DYNC2LI1: variants seen among roughly 807,000 people sequenced by gnomAD.
DYNC2LI1 encodes the protein dynein cytoplasmic 2 light intermediate chain 1, also known as cytoplasmic dynein 2 light intermediate chain 1.
A neutral mutation model predicts 51.9 loss-of-function variants in DYNC2LI1; 45 were observed. The observed-to-expected ratio is 0.87, with a 90% CI of 0.68 to 1.11. The LOEUF (loss-of-function observed/expected upper bound fraction) is 1.11. Among genes scored for constraint, DYNC2LI1 ranks in the 50% most tolerant of loss-of-function variants. The pLI, the probability that DYNC2LI1 is intolerant of heterozygous loss-of-function variation, is 0.00. For missense variants in DYNC2LI1, 490 were observed against 417.4 expected (o/e 1.17, Z -1.51); for synonymous variants, 130 against 137.8 (o/e 0.94, Z 0.40).
At chr2:43,784,465 G>A (rs1673427811) in intron 3 of DYNC2LI1, among the ~76,000 whole-genome samples, 2 of 151,386 alleles carry the variant, frequency 1.3e-5, no homozygotes, top group African/African-American at 4.9e-5. Flanking sequence ...TTGAGATGGA[G>A]TTTCGCTCTT....
chr2:43,827,339 AAAAGTG>A, the DYNC2LI1 span, among the ~76,000 whole-genome samples: 1 of 151,948 alleles, frequency 6.6e-6, no homozygotes, highest in Non-Finnish European at 1.5e-5. Context: ...AAAAAAAAAA[AAAAGTG>A]ACAAGAGCTG....
chr2:43,779,107 C>T lies in DYNC2LI1; in HGVS notation c.126+2208C>T, dbSNP rs147860569. Among the ~76,000 whole-genome samples the T allele has an allele frequency of 2.7e-3, 406 of 152,008 alleles. 1 individual carries two copies. The highest frequency in any genetic ancestry group is 9.4e-3 in the African/African-American group (389 of 41,486). On this transcript the variant is annotated intron_variant, in intron 2 of 12. Transcript: ENST00000260605. ...CCAGTCTCCCCCCAAAAAAATAAAA[C>T]AATTAGCCGGGTGTGGTGGCACTCA...
chr2:43,804,751 T>G lies in DYNC2LI1; in HGVS notation c.900+12T>G. On this transcript the variant is annotated intron_variant, in intron 11 of 12. Transcript: ENST00000260605. ...TCTTTCCACCAAAGGTACATATTTC[T>G]AATTTTTTTAAAAGCAAGACTTTTA... 1 of 1,566,410 alleles carries G rather than the reference T, an allele frequency of 6.4e-7. No homozygotes were observed. Among genetic ancestry groups the G allele is most frequent in the Non-Finnish European group, 8.7e-7 (1 of 1,151,762 alleles).
chr2:43,774,399 A>T (rs893925974), intron 1 of DYNC2LI1, among the ~76,000 whole-genome samples: 7 of 152,214 alleles, frequency 4.6e-5, no homozygotes, highest in African/African-American at 1.4e-4. Context: ...TGATTGAATA[A>T]AAGTTTCTTG....
intron 2 of DYNC2LI1, among the ~76,000 whole-genome samples, chr2:43,779,498 G>C (rs1673176776): frequency 6.6e-6 from 1 of 152,184 alleles, no homozygotes; most frequent in Non-Finnish European, 1.5e-5. Context: ...TGTGGAAACA[G>C]GAATGAAAGG....
downstream of DYNC2LI1, chr2:43,810,078 AAAGT>A: frequency 1.6e-6 from 1 of 609,826 alleles, no homozygotes; most frequent in African/African-American, 2.0e-5. Flanking sequence ...TAGGAATATA[AAAGT>A]AAGAGTATTT....
chr2:43,800,445 T>C (rs1329890804), intron 8 of DYNC2LI1, among the ~76,000 whole-genome samples: 2 of 152,222 alleles, frequency 1.3e-5, no homozygotes, highest in Non-Finnish European at 2.9e-5. Flanking sequence ...ATACCTCTTA[T>C]TTTCTAACCA....
downstream of DYNC2LI1, chr2:43,812,986 G>A (rs1666560625): frequency 2.9e-6 from 2 of 692,746 alleles, no homozygotes; most frequent in East Asian, 2.7e-5. Flanking sequence ...AGGCACAAAT[G>A]GAGTCTTAAT....
At chr2:43,813,345 T>G (rs778016002), downstream of DYNC2LI1, 3 of 1,451,624 alleles carry the variant, frequency 2.1e-6, no homozygotes, top group Non-Finnish European at 2.9e-6. Context: ...CAGGTGTGGT[T>G]TATCTCAGGT....
intron 12 of DYNC2LI1, among the ~76,000 whole-genome samples, chr2:43,807,938 T>C (rs1406541787): frequency 6.6e-6 from 1 of 152,118 alleles, no homozygotes; most frequent in Non-Finnish European, 1.5e-5. Context: ...ATATTGGTTA[T>C]TCCTTTTTCT....
chr2:43,774,176 A>G (rs761267352), intron 1 of DYNC2LI1, 30 bp downstream of exon 1: 3 of 1,612,890 alleles, frequency 1.9e-6, no homozygotes, highest in East Asian at 2.2e-5. Flanking sequence ...TGCGTGGGAA[A>G]GGCTACTGAG....
chr2:43,815,270 T>C, the DYNC2LI1 span, among the ~76,000 whole-genome samples: 1 of 152,344 alleles, frequency 6.6e-6, no homozygotes, highest in African/African-American at 2.4e-5. Context: ...TAGTCCACTG[T>C]ATATTTTCTG....
chr2:43,802,164 T>C (rs1666097225), intron 10 of DYNC2LI1, among the ~76,000 whole-genome samples: 2 of 152,182 alleles, frequency 1.3e-5, no homozygotes, highest in Admixed American at 1.3e-4. Context: ...GATTTTTTGT[T>C]ATGAAATAGC....
the DYNC2LI1 span, among the ~76,000 whole-genome samples, chr2:43,817,428 T>C: frequency 6.6e-6 from 1 of 151,994 alleles, no homozygotes; most frequent in Non-Finnish European, 1.5e-5. Context: ...GAGGTTGCAG[T>C]GAGCCGAGAT....
intron 2 of DYNC2LI1, among the ~76,000 whole-genome samples, chr2:43,782,526 C>A (rs1673338482): frequency 6.8e-6 from 1 of 146,364 alleles, no homozygotes; most frequent in African/African-American, 2.6e-5. Flanking sequence ...TTATCTGTTT[C>A]CTTGCAAGGG....
At chr2:43,801,256 A>G (rs1369484841) in intron 9 of DYNC2LI1, 2 of 157,368 alleles carry the variant, frequency 1.3e-5, no homozygotes, top group African/African-American at 4.8e-5. Context: ...GCTGGAATAA[A>G]ATAATGATAA....
intron 8 of DYNC2LI1, 87 bp from the exon 9 acceptor site, chr2:43,800,754 C>A (rs1666049684): frequency 1.6e-6 from 1 of 641,672 alleles, no homozygotes; most frequent in Non-Finnish European, 2.6e-6. Context: ...TCTTTGTAAT[C>A]TGTATTTGTT....
At chr2:43,790,543 CTT>C (rs3838570) in intron 5 of DYNC2LI1, among the ~76,000 whole-genome samples, 4 of 145,020 alleles carry the variant, frequency 2.8e-5, no homozygotes, top group East Asian at 2.0e-4. Context: ...TTTATTTGGT[CTT>C]TTTTTTTTTC....
downstream of DYNC2LI1, among the ~76,000 whole-genome samples, chr2:43,814,011 C>T (rs992684062): frequency 6.6e-6 from 1 of 152,072 alleles, no homozygotes. Context: ...CCACTGTGCC[C>T]GGCCACCCTG....
Sources: allele counts gnomAD v4.1 joint callset (sites outside exome capture counted in the v4.1 genomes callset), GRCh38; gene constraint gnomAD v4.1.1; transcripts MANE v1.5; gene names NCBI Gene and HGNC (gene_info 2026-07-23, HGNC 2026-07-21).